Variants in ARHGEF10L observed in about 807,000 individuals in gnomAD.
ARHGEF10L encodes Rho guanine nucleotide exchange factor 10 like, also known as rho guanine nucleotide exchange factor 10-like protein.
In ARHGEF10L, 69 loss-of-function variants were observed where a neutral mutation model predicts 141.2. That is an observed-to-expected ratio of 0.49 (90% confidence interval 0.40 to 0.60). ARHGEF10L has a LOEUF of 0.60. Ranked by LOEUF, ARHGEF10L falls within the 20% of genes least tolerant of loss-of-function variation. ARHGEF10L has a pLI of 0.00. For synonymous variants in ARHGEF10L, 711 were observed against 718.5 expected (o/e 0.99, Z 0.17); for missense variants, 1,482 against 1,734.3 (o/e 0.85, Z 2.58).
chr1:17,558,357 G>A lies in ARHGEF10L; in HGVS notation c.-44+18407G>A, dbSNP rs954684808. Among the ~76,000 whole-genome samples the A allele has an allele frequency of 6.6e-6, 1 of 152,218 alleles. No individual in the cohort carries two copies. Among genetic ancestry groups the A allele is most frequent in the African/African-American group, 2.4e-5 (1 of 41,450 alleles). ...TTCGGCATGCTAAGGACTGCCCTGG[G>A]TATTGGAGAGACAGAAATGAAAGGC... On this transcript the variant is annotated intron_variant, in intron 1 of 28. Transcript: ENST00000361221. The surrounding 1 kb of genome is among the most constrained non-coding windows in gnomAD (Gnocchi z 4.2).
intron 1 of ARHGEF10L, among the ~76,000 whole-genome samples, chr1:17,548,502 A>G (rs944524802): frequency 1.3e-5 from 2 of 152,062 alleles, no homozygotes; most frequent in Non-Finnish European, 2.9e-5. Context: ...AGATAAAGTA[A>G]GGTAGAGGGG....
intron 1 of ARHGEF10L, among the ~76,000 whole-genome samples, chr1:17,565,693 C>T (rs928172075): frequency 5.9e-5 from 9 of 152,166 alleles, no homozygotes; most frequent in African/African-American, 2.2e-4. Flanking sequence ...GCGCTAGGCT[C>T]CGGGACACAG....
rs754963295 is a variant in ARHGEF10L at position 17,573,734 on chromosome 1, GCTCCTT to G, written c.-43-6817_-43-6812del. On this transcript the variant is annotated intron_variant, in intron 1 of 28. Transcript: ENST00000361221. The surrounding 1 kb of genome is among the most constrained non-coding windows in gnomAD (Gnocchi z 4.8). ...CCCCTCTGGCCTGGCCTCAGGGTCG[GCTCCTT>G]CCCACAGAGACCTACTCCCAGGGCC... 1.3e-5 allele frequency among the ~76,000 whole-genome samples: 2 copies of G among 152,056 alleles called. No homozygotes were observed. Among genetic ancestry groups the G allele is most frequent in the Non-Finnish European group, 2.9e-5 (2 of 67,946 alleles).
intron 26 of ARHGEF10L, among the ~76,000 whole-genome samples, chr1:17,675,746 A>G (rs572780994): frequency 1.1e-4 from 14 of 128,030 alleles, no homozygotes; most frequent in Non-Finnish European, 1.9e-4. Context: ...AGGTGTGTTC[A>G]GGTGTAGGTA....
chr1:17,626,331 G>T (rs753545034), intron 14 of ARHGEF10L, among the ~76,000 whole-genome samples: 3 of 152,164 alleles, frequency 2.0e-5, no homozygotes, highest in Non-Finnish European at 2.9e-5. Flanking sequence ...CCCGGGACCC[G>T]CAGGGCTCCT....
chr1:17,613,560 T>A (rs2059653365), intron 8 of ARHGEF10L, among the ~76,000 whole-genome samples: 1 of 152,194 alleles, frequency 6.6e-6, no homozygotes, highest in Admixed American at 6.5e-5. Flanking sequence ...GGCTCAGGAA[T>A]CTGCACATTT....
In ARHGEF10L at chr1:17,569,243, A is replaced by G. The variant is rs552565066; in HGVS notation, c.-43-11310A>G. ...TGGCCTGGAGCAGTGCTCAGAGCCAACTCCCGCCAGAGGTGCCCCAGAACA... is the reference window on the plus strand; with the variant it reads ...TGGCCTGGAGCAGTGCTCAGAGCCAGCTCCCGCCAGAGGTGCCCCAGAACA... On this transcript the variant is annotated intron_variant, in intron 1 of 28. Transcript: ENST00000361221. 5.9e-5 allele frequency among the ~76,000 whole-genome samples: 9 copies of G among 151,762 alleles called. 1 individual carries two copies. The highest frequency in any genetic ancestry group is 2.2e-4 in the African/African-American group (9 of 41,364).
chr1:17,635,108 G>A, intron 18 of ARHGEF10L, 92 bp downstream of exon 18: 4 of 1,511,562 alleles, frequency 2.6e-6, no homozygotes, highest in Non-Finnish European at 3.6e-6. Context: ...GCCCTGTCTT[G>A]GGGACCCCTA....
chr1:17,588,442 GCAGACC>G lies in ARHGEF10L; in HGVS notation c.230_235del (p.Asp77_Pro78del). 6.2e-7 allele frequency: 1 copy of G among 1,613,962 alleles called. No homozygotes were observed. The highest frequency in any genetic ancestry group is 8.5e-7 in the Non-Finnish European group (1 of 1,179,910). On this transcript the variant is annotated splice_acceptor_variant and splice_polypyrimidine_tract_variant and coding_sequence_variant and intron_variant, in exon 4 of 29. Transcript: ENST00000361221. LOFTEE classifies it high-confidence loss of function. Reference sequence around the variant, plus strand: ...CAGGCTCTCTGTCTGCTCTTCTTTTGCAGACCCAGACCCAGCAGCTGCTCCACCCGG... The same window carrying G: ...CAGGCTCTCTGTCTGCTCTTCTTTTGCAGACCCAGCAGCTGCTCCACCCGG...
At chr1:17,664,797 A>C (rs77508898) in intron 26 of ARHGEF10L, among the ~76,000 whole-genome samples, 2,323 of 152,322 alleles carry the variant, frequency 0.015, 29 homozygotes, top group Middle Eastern at 0.051. Context: ...AAGGCTACCA[A>C]GAACAGAAAG....
the ARHGEF10L span, among the ~76,000 whole-genome samples, chr1:17,524,607 C>A: frequency 6.6e-6 from 1 of 152,088 alleles, no homozygotes; most frequent in African/African-American, 2.4e-5. Context: ...TATAAAATGA[C>A]CTTGGGATGC....
intron 4 of ARHGEF10L, among the ~76,000 whole-genome samples, chr1:17,595,980 C>T (rs779235556): frequency 1.1e-4 from 16 of 152,192 alleles, no homozygotes; most frequent in Non-Finnish European, 2.1e-4. Flanking sequence ...TAACTTGTCC[C>T]GGTGCACACA....
Position 17,656,220 on chromosome 1 carries a change from C to A in ARHGEF10L, c.2705+118C>A. The A allele has an allele frequency of 7.9e-7, 1 of 1,261,628 alleles. No homozygotes were observed. Among genetic ancestry groups the A allele is most frequent in the East Asian group, 2.5e-5 (1 of 39,240 alleles). The allele number at this position is 1,261,628 out of a possible 1,614,324, so 78.2% of individuals were successfully genotyped here. On this transcript the variant is annotated intron_variant, in intron 24 of 28. Transcript: ENST00000361221. The surrounding 1 kb of genome is among the most constrained non-coding windows in gnomAD (Gnocchi z 4.9). ...CCCACCAACATTCTCTGCCCCTGGT[C>A]TCCAGGAAGGTGGGCACCAGAGCTG... is the stretch of plus-strand genomic sequence containing the variant.
chr1:17,657,216 G>A (rs913708399), intron 25 of ARHGEF10L, among the ~76,000 whole-genome samples: 7 of 152,206 alleles, frequency 4.6e-5, no homozygotes, highest in African/African-American at 1.7e-4. Context: ...CACAGGTTAC[G>A]ATGTCAGGAG....
rs1195624597 is a variant in ARHGEF10L at position 17,644,612 on chromosome 1, A to G, written c.2273-3942A>G. ...TGTGGCTGTGGCCAGCAGCATCTCC[A>G]TGGTGCTGGGGAGGTGTGAGCGGTA... On this transcript the variant is annotated intron_variant, in intron 21 of 28. Coordinates refer to ENST00000361221, the MANE Select transcript of ARHGEF10L (RefSeq NM_018125.4). The surrounding 1 kb of genome is among the most constrained non-coding windows in gnomAD (Gnocchi z 4.5). Among the ~76,000 whole-genome samples the G allele has an allele frequency of 6.6e-6, 1 of 152,190 alleles. No individual in the cohort carries two copies. The highest frequency in any genetic ancestry group is 2.4e-5 in the African/African-American group (1 of 41,444).
the ARHGEF10L span, among the ~76,000 whole-genome samples, chr1:17,516,775 T>C: frequency 6.6e-6 from 1 of 152,196 alleles, no homozygotes; most frequent in Non-Finnish European, 1.5e-5. Flanking sequence ...CTCCCATCTC[T>C]GGCCAGGTCC....
intron 2 of ARHGEF10L, among the ~76,000 whole-genome samples, chr1:17,582,067 C>T (rs1174693389): frequency 4.6e-5 from 7 of 152,162 alleles, no homozygotes; most frequent in Non-Finnish European, 1.0e-4. Flanking sequence ...GAAGGGCTTC[C>T]TTCAGCTCTC....
chr1:17,677,097 G>C (rs1354948245), intron 26 of ARHGEF10L, among the ~76,000 whole-genome samples: 1 of 152,128 alleles, frequency 6.6e-6, no homozygotes, highest in East Asian at 1.9e-4. Flanking sequence ...ACCAAGGAAA[G>C]GAGATGGGCA....
rs145021905 is a variant in ARHGEF10L, at chr1:17,697,091, C to G, written c.3551C>G (p.Pro1184Arg). The change falls in exon 29 of 29, where the codon CCG becomes CGG. Residue 1184 changes from proline (P) to arginine (R), a missense_variant. Pro to Arg is a moderately radical substitution (Grantham distance 103, BLOSUM62 -2). Coordinates refer to ENST00000361221, the MANE Select transcript of ARHGEF10L (RefSeq NM_018125.4). The surrounding 1 kb of genome is among the most constrained non-coding windows in gnomAD (Gnocchi z 4.8). Reference protein sequence around the residue: ...QYRLRSTAHLPGPLLSMREPA... With the variant: ...QYRLRSTAHLRGPLLSMREPA... ...CGCCTGCGCTCCACCGCACACCTCC[C>G]GGGCCCGCTGCTCTCCATGCGGGAG... 1 of 1,607,558 alleles carries G rather than the reference C, an allele frequency of 6.2e-7. No homozygotes were observed. The highest frequency in any genetic ancestry group is 1.1e-5 in the South Asian group (1 of 90,644).
Sources: allele counts gnomAD v4.1 joint callset (sites outside exome capture counted in the v4.1 genomes callset), GRCh38; gene constraint gnomAD v4.1.1; non-coding constraint Gnocchi (gnomAD v3.1); transcripts MANE v1.5; gene names NCBI Gene and HGNC (gene_info 2026-07-23, HGNC 2026-07-21).